The following SPAG16 variants were observed in gnomAD, a reference collection of about 807,000 sequenced individuals.
SPAG16 encodes the protein sperm-associated antigen 16 protein.
A neutral mutation model predicts 80.4 loss-of-function variants in SPAG16; 86 were observed. The ratio of observed to expected loss-of-function variants is 1.07; its 90% CI spans 0.90 to 1.28. The LOEUF is 1.28. Ranked by LOEUF, SPAG16 falls within the 50% of genes most tolerant of loss-of-function variation. The probability of loss-of-function intolerance (pLI) is 0.00; values close to 1 mark genes in which losing one functional copy is unlikely to be tolerated. For missense variants in SPAG16, 870 were observed against 765.3 expected, an observed-to-expected ratio of 1.14 and a Z score of -1.61; for synonymous variants, 294 against 265.9, an observed-to-expected ratio of 1.11 and a Z score of -1.03.
chr2:214,254,476 T>C (rs1690534961), intron 15 of SPAG16, among the ~76,000 whole-genome samples: 1 of 152,126 alleles, frequency 6.6e-6, no homozygotes, highest in Non-Finnish European at 1.5e-5. Context: ...ACCTAGTTTA[T>C]TGAGAGTTTT....
At chr2:213,732,495 A>G (rs990583562) in intron 10 of SPAG16, among the ~76,000 whole-genome samples, 1 of 152,178 alleles carries the variant, frequency 6.6e-6, no homozygotes, top group Admixed American at 6.5e-5. Context: ...TTGAGATTGC[A>G]TAGTGTGATG....
intron 10 of SPAG16, among the ~76,000 whole-genome samples, chr2:213,525,776 C>T (rs928028952): frequency 2.0e-5 from 3 of 151,940 alleles, no homozygotes; most frequent in African/African-American, 4.8e-5. Flanking sequence ...TGTATATCTA[C>T]ATCTGTATCT....
chr2:213,661,291 G>T (rs961405926), intron 10 of SPAG16, among the ~76,000 whole-genome samples: 4 of 152,064 alleles, frequency 2.6e-5, no homozygotes, highest in African/African-American at 4.8e-5. Context: ...ATATCCTTTG[G>T]TTCTTAATGA....
chr2:213,448,693 A>C (rs903129948), intron 9 of SPAG16, among the ~76,000 whole-genome samples: 5 of 152,224 alleles, frequency 3.3e-5, no homozygotes, highest in African/African-American at 1.2e-4. Flanking sequence ...ATTTCATTTT[A>C]ATATGGACAT....
At chr2:213,867,926 C>CAA (rs35795865) in intron 11 of SPAG16, among the ~76,000 whole-genome samples, 1,077 of 45,816 alleles carry the variant, frequency 0.024, 64 homozygotes, top group African/African-American at 0.057. Flanking sequence ...TCTGTCTCAA[C>CAA]AAAAAAAAAA....
At chr2:213,719,196 G>A (rs1331514980) in intron 10 of SPAG16, among the ~76,000 whole-genome samples, 2 of 152,108 alleles carry the variant, frequency 1.3e-5, no homozygotes, top group East Asian at 3.9e-4. Flanking sequence ...TTTAGCTCAA[G>A]GTTTGTGAGT....
At chr2:213,942,193 C>A (rs779453487) in intron 12 of SPAG16, among the ~76,000 whole-genome samples, 1 of 152,132 alleles carries the variant, frequency 6.6e-6, no homozygotes, top group Non-Finnish European at 1.5e-5. Flanking sequence ...TAATTCTCTG[C>A]CTGCTTTGCC....
In SPAG16 at chr2:214,012,279, TATATA is replaced by T. The variant is rs1559689743; in HGVS notation, c.1401-1671_1401-1667del. Among the ~76,000 whole-genome samples, 58 of 59,478 alleles carry T rather than the reference TATATA, an allele frequency of 9.8e-4. 1 individual carries two copies. Among genetic ancestry groups the T allele is most frequent in the African/African-American group, 2.5e-3 (37 of 15,094 alleles). 39.0% of individuals were successfully genotyped at this position (59,478 alleles called of 152,430 possible). The stretch of plus-strand genomic sequence containing the variant: ...ACTTACATATATATATATATATATA[TATATA>T]TATATTTTTTTTTTTTTTTTTTTTT... On this transcript the variant is annotated intron_variant, in intron 12 of 15. Coordinates refer to ENST00000331683, the MANE Select transcript of SPAG16 (RefSeq NM_024532.5).
At chr2:214,355,924 C>CA (rs1253936620) in intron 15 of SPAG16, among the ~76,000 whole-genome samples, 4 of 145,148 alleles carry the variant, frequency 2.8e-5, no homozygotes, top group East Asian at 2.1e-4. Context: ...ATCGCAAGGA[C>CA]AAAAAACCAA....
intron 14 of SPAG16, among the ~76,000 whole-genome samples, chr2:214,140,319 T>C (rs529208563): frequency 6.6e-6 from 1 of 152,146 alleles, no homozygotes; most frequent in East Asian, 1.9e-4. Context: ...TAGTTTCTAA[T>C]TTAATTGCAT....
rs544284761 is a variant in SPAG16, at chr2:213,497,123, C to A, written c.1070+7033C>A. 6.6e-5 allele frequency among the ~76,000 whole-genome samples: 10 copies of A among 152,062 alleles called. No individual in the cohort carries two copies. The South Asian group carries it at 2.1e-3, about 32-fold the overall frequency. On this transcript the variant is annotated intron_variant, in intron 10 of 15. Transcript: ENST00000331683. ...ATTTTCTATAATATAAAGATACAGTCTGCTAGTTTTACAGTTTATTATCAA... is the reference window on the plus strand; with the variant it reads ...ATTTTCTATAATATAAAGATACAGTATGCTAGTTTTACAGTTTATTATCAA...
chr2:214,270,725 T>C (rs1206141231), intron 15 of SPAG16, among the ~76,000 whole-genome samples: 1 of 152,154 alleles, frequency 6.6e-6, no homozygotes, highest in Non-Finnish European at 1.5e-5. Context: ...GTTGTCTCCA[T>C]AGCGCCCTAC....
At chr2:214,390,120 C>A (rs1700986013) in intron 15 of SPAG16, among the ~76,000 whole-genome samples, 1 of 152,074 alleles carries the variant, frequency 6.6e-6, no homozygotes, top group South Asian at 2.1e-4. Context: ...ATTTTTCTCT[C>A]CAAAAATATA....
At chr2:214,059,816 G>A (rs2050163471) in intron 13 of SPAG16, among the ~76,000 whole-genome samples, 3 of 151,804 alleles carry the variant, frequency 2.0e-5, no homozygotes, top group Admixed American at 2.0e-4. Context: ...TATGGGTTCT[G>A]AGCTAAGGCA....
At chr2:214,166,462 A>G (rs1316654837) in intron 15 of SPAG16, among the ~76,000 whole-genome samples, 2 of 152,136 alleles carry the variant, frequency 1.3e-5, no homozygotes, top group African/African-American at 4.8e-5. Flanking sequence ...CTCTCCAGCT[A>G]CAGCTCCCAT....
chr2:214,135,610 T>G (rs1490371740), intron 14 of SPAG16, among the ~76,000 whole-genome samples: 1 of 152,126 alleles, frequency 6.6e-6, no homozygotes, highest in African/African-American at 2.4e-5. Context: ...ATGAATAGAT[T>G]AATGCCTTCC....
At chr2:214,026,866 A>T (rs2048156981) in intron 13 of SPAG16, among the ~76,000 whole-genome samples, 1 of 151,576 alleles carries the variant, frequency 6.6e-6, no homozygotes, top group African/African-American at 2.4e-5. Flanking sequence ...TAAAAAGGGA[A>T]CTCTTCTTGA....
chr2:213,425,454 A>G (rs1559120163), intron 9 of SPAG16, among the ~76,000 whole-genome samples: 1 of 152,246 alleles, frequency 6.6e-6, no homozygotes, highest in East Asian at 1.9e-4. Flanking sequence ...GTTTGAGATC[A>G]GTATAGCCAA....
intron 10 of SPAG16, among the ~76,000 whole-genome samples, chr2:213,741,895 G>C (rs1405325245): frequency 1.3e-5 from 2 of 152,010 alleles, no homozygotes; most frequent in East Asian, 3.9e-4. Flanking sequence ...AATATTTATA[G>C]AGTTACACTA....
Sources: allele counts gnomAD v4.1 joint callset (sites outside exome capture counted in the v4.1 genomes callset), GRCh38; gene constraint gnomAD v4.1.1; transcripts MANE v1.5; gene names NCBI Gene and HGNC (gene_info 2026-07-23, HGNC 2026-07-21).